SND1: variants seen among roughly 807,000 people sequenced by gnomAD.
SND1 encodes staphylococcal nuclease domain-containing protein 1.
In SND1, 38 loss-of-function variants were observed where a neutral mutation model predicts 121.7. The ratio of observed to expected loss-of-function variants is 0.31; its 90% CI spans 0.24 to 0.41. SND1 has a LOEUF of 0.41. Among genes scored for constraint, SND1 ranks in the 10% least tolerant of loss-of-function variants. SND1 has a pLI of 1.00. For synonymous variants in SND1, 401 were observed against 447.4 expected (o/e 0.90, Z 1.31); for missense variants, 868 against 1,184.6 (o/e 0.73, Z 3.92).
chr7:127,903,302 G>T (rs559044010), intron 13 of SND1, among the ~76,000 whole-genome samples: 1 of 152,242 alleles, frequency 6.6e-6, no homozygotes, highest in African/African-American at 2.4e-5. Flanking sequence ...GGGATTACAG[G>T]TGTGAACCAC....
intron 11 of SND1, among the ~76,000 whole-genome samples, chr7:127,822,206 C>T (rs529981601): frequency 1.1e-4 from 16 of 152,242 alleles, no homozygotes; most frequent in African/African-American, 3.1e-4. Context: ...TAGGCCTACC[C>T]GGGAAGATAC....
chr7:128,036,211 G>GTA (rs975640226), intron 16 of SND1, among the ~76,000 whole-genome samples: 1 of 152,114 alleles, frequency 6.6e-6, no homozygotes, highest in African/African-American at 2.4e-5. Flanking sequence ...ATTTGTGTGT[G>GTA]TGTGTGTGTG....
chr7:127,928,605 G>T (rs902094468), intron 14 of SND1, among the ~76,000 whole-genome samples: 1 of 134,936 alleles, frequency 7.4e-6, no homozygotes, highest in African/African-American at 2.7e-5. Context: ...TCTTTTTTTT[G>T]AGAAAGAGTT....
intron 18 of SND1, 118 bp from the exon 19 acceptor site, chr7:128,084,606 C>A: frequency 2.7e-6 from 3 of 1,110,022 alleles, no homozygotes; most frequent in Non-Finnish European, 2.5e-6. Context: ...AGAGCCAGTG[C>A]TGCAGTGCCC....
At chr7:127,852,916 A>G (rs1316972977) in intron 12 of SND1, among the ~76,000 whole-genome samples, 1 of 152,150 alleles carries the variant, frequency 6.6e-6, no homozygotes, top group Non-Finnish European at 1.5e-5. Context: ...TCTTTGATAA[A>G]TCCTTAAATA....
At chr7:127,837,820 CTGT>C (rs939199476) in intron 11 of SND1, among the ~76,000 whole-genome samples, 2 of 152,096 alleles carry the variant, frequency 1.3e-5, no homozygotes, top group African/African-American at 4.8e-5. Context: ...ATGGAAGATC[CTGT>C]TGTTATAAAT....
At chr7:127,792,467 T>C (rs557904223) in intron 10 of SND1, among the ~76,000 whole-genome samples, 1 of 152,256 alleles carries the variant, frequency 6.6e-6, no homozygotes, top group East Asian at 1.9e-4. Context: ...GAGAACATAA[T>C]TTAAGAGATG....
intron 12 of SND1, among the ~76,000 whole-genome samples, chr7:127,850,597 A>G (rs1321542454): frequency 6.6e-6 from 1 of 152,176 alleles, no homozygotes; most frequent in African/African-American, 2.4e-5. Flanking sequence ...CCCTGCTTTG[A>G]AGGAACACAA....
At chr7:127,927,484 G>A (rs938280944) in intron 14 of SND1, among the ~76,000 whole-genome samples, 1 of 152,172 alleles carries the variant, frequency 6.6e-6, no homozygotes, top group African/African-American at 2.4e-5. Flanking sequence ...TTGTTTGACT[G>A]TTCTGGACTT....
At chr7:128,035,253 C>T (rs538705040) in intron 16 of SND1, among the ~76,000 whole-genome samples, 15 of 152,272 alleles carry the variant, frequency 9.9e-5, no homozygotes, top group Admixed American at 2.6e-4. Flanking sequence ...AGTTTCTTAC[C>T]GCTCTCTTAG....
chr7:127,726,687 A>G (rs1367460912), intron 10 of SND1, among the ~76,000 whole-genome samples: 4 of 152,150 alleles, frequency 2.6e-5, no homozygotes, highest in African/African-American at 9.7e-5. Context: ...GTTAATGACA[A>G]AGGAAACAGC....
chr7:127,879,333 A>G (rs1450440165), intron 12 of SND1, among the ~76,000 whole-genome samples: 1 of 152,148 alleles, frequency 6.6e-6, no homozygotes, highest in African/African-American at 2.4e-5. Flanking sequence ...AGATCTGAAG[A>G]GAGCCTTGCT....
chr7:128,086,579 A>AC, intron 20 of SND1: 1 of 339,380 alleles, frequency 2.9e-6, no homozygotes, highest in Non-Finnish European at 5.6e-6. Flanking sequence ...CAGCTGGAGA[A>AC]CCCCCTGGCC....
rs550579129 is a variant in SND1 at position 127,915,438 on chromosome 7, C to T, written c.1527+10619C>T. Among the ~76,000 whole-genome samples the T allele has an allele frequency of 1.4e-4, 21 of 152,288 alleles. No individual in the cohort carries two copies. In the South Asian group the frequency reaches 4.3e-3, roughly 32 times the overall value. ...CCTCTCCTGAGTTCTTTTACTGCCT[C>T]TTTATCTCTTTTTTGACATTTAACA... On this transcript the variant is annotated intron_variant, in intron 14 of 23. Transcript: ENST00000354725.
At chr7:127,759,154 C>G (rs1387951690) in intron 10 of SND1, among the ~76,000 whole-genome samples, 1 of 152,098 alleles carries the variant, frequency 6.6e-6, no homozygotes, top group Non-Finnish European at 1.5e-5. Context: ...AGACAACTTG[C>G]AGACAAGTCA....
intron 18 of SND1, among the ~76,000 whole-genome samples, chr7:128,083,587 G>A (rs1468904823): frequency 6.6e-6 from 1 of 152,264 alleles, no homozygotes; most frequent in African/African-American, 2.4e-5. Context: ...CAGGCTTTGT[G>A]CAAGTAAACA....
chr7:127,828,058 A>G (rs993731805), intron 11 of SND1, among the ~76,000 whole-genome samples: 2 of 152,116 alleles, frequency 1.3e-5, no homozygotes, highest in African/African-American at 2.4e-5. Flanking sequence ...GTGCAACGGC[A>G]TGTTCTCGGC....
chr7:127,841,590 A>G (rs990289257), intron 11 of SND1, among the ~76,000 whole-genome samples: 4 of 152,076 alleles, frequency 2.6e-5, no homozygotes, highest in African/African-American at 9.7e-5. Context: ...GCCTTGTCTG[A>G]GGAGAGTTCC....
intron 16 of SND1, among the ~76,000 whole-genome samples, chr7:128,037,092 T>C (rs918743646): frequency 1.2e-4 from 19 of 152,214 alleles, no homozygotes; most frequent in Admixed American, 3.3e-4. Flanking sequence ...ACTAAATTTG[T>C]TTCTTGAGGC....
Sources: allele counts gnomAD v4.1 joint callset (sites outside exome capture counted in the v4.1 genomes callset), GRCh38; gene constraint gnomAD v4.1.1; transcripts MANE v1.5; gene names NCBI Gene and HGNC (gene_info 2026-07-23, HGNC 2026-07-21).